PDLIM5: variants seen among roughly 807,000 people sequenced by gnomAD.
PDLIM5 encodes the protein PDZ and LIM domain 5, also known as PDZ and LIM domain protein 5.
PDLIM5 carries 34 observed loss-of-function variants against 64.2 expected under a neutral mutation model. That is an observed-to-expected ratio of 0.53 (90% CI 0.40 to 0.71). PDLIM5 has a LOEUF of 0.71. PDLIM5 is among the 30% of genes least tolerant of loss of function. PDLIM5 has a pLI of 0.00. For synonymous variants in PDLIM5, 253 were observed against 269.1 expected, an observed-to-expected ratio of 0.94 and a Z score of 0.59; for missense variants, 683 against 733.6, an observed-to-expected ratio of 0.93 and a Z score of 0.80.
At chr4:94,639,233 G>A (rs1456684117) in intron 8 of PDLIM5, among the ~76,000 whole-genome samples, 2 of 152,160 alleles carry the variant, frequency 1.3e-5, no homozygotes, top group African/African-American at 2.4e-5. Context: ...GAAAGGCAAA[G>A]AGCAGTGTAA....
chr4:94,657,797 C>T (rs992684146), intron 11 of PDLIM5, among the ~76,000 whole-genome samples: 9 of 152,072 alleles, frequency 5.9e-5, no homozygotes, highest in Admixed American at 4.6e-4. Context: ...GCCTCTGCCT[C>T]CCAGGTTCAG....
At chr4:94,624,748 A>G (rs1231910104) in intron 8 of PDLIM5, among the ~76,000 whole-genome samples, 2 of 152,204 alleles carry the variant, frequency 1.3e-5, no homozygotes, top group South Asian at 2.1e-4. Flanking sequence ...GGCTTCGGGT[A>G]GGAAAGACAA....
intron 7 of PDLIM5, among the ~76,000 whole-genome samples, chr4:94,596,264 G>C (rs1196501143): frequency 6.6e-6 from 1 of 152,074 alleles, no homozygotes; most frequent in Admixed American, 6.6e-5. Flanking sequence ...TGTACTATTA[G>C]CACTTATAAA....
At position 94,478,890 on chromosome 4, in the gene PDLIM5, G is replaced by GTTTT. The variant is rs67013211; in HGVS notation, c.96+23530_96+23533dup. ...CCAAAAGAAGGTAGGTGTGCTTGGT[G>GTTTT]TTTTTTTTTTTTTTTTTTTTTTTTT... On this transcript the variant is annotated intron_variant, in intron 2 of 12. Coordinates refer to ENST00000317968, the MANE Select transcript of PDLIM5 (RefSeq NM_006457.5). Among the ~76,000 whole-genome samples, 759 of 94,040 alleles carry GTTTT rather than the reference G, an allele frequency of 8.1e-3. 100 individuals are homozygous for GTTTT. The highest frequency in any genetic ancestry group is 0.026 in the African/African-American group (571 of 22,324). The allele number at this position is 94,040 out of a possible 152,430, so 61.7% of individuals were successfully genotyped here.
chr4:94,656,275 G>T (rs1192882444), intron 10 of PDLIM5, among the ~76,000 whole-genome samples: 1 of 151,976 alleles, frequency 6.6e-6, no homozygotes, highest in Non-Finnish European at 1.5e-5. Context: ...TATAGAAAGA[G>T]TATTCACTAC....
Position 94,655,232 on chromosome 4 carries a change from G to A in PDLIM5, c.1464+592G>A, listed in dbSNP as rs563206937. Among the ~76,000 whole-genome samples the A allele has an allele frequency of 3.9e-5, 6 of 152,084 alleles. No individual in the cohort carries two copies. In the South Asian group the frequency reaches 1.2e-3, roughly 32 times the overall value. On this transcript the variant is annotated intron_variant, in intron 10 of 12. Coordinates refer to ENST00000317968, the MANE Select transcript of PDLIM5 (RefSeq NM_006457.5). ...TTTTGCAAAAAAAGGAGTAATTTAG[G>A]AATCAGATACAGTACATAATAAATA...
intron 2 of PDLIM5, among the ~76,000 whole-genome samples, chr4:94,490,024 T>C (rs1485338841): frequency 6.6e-6 from 1 of 152,050 alleles, no homozygotes; most frequent in African/African-American, 2.4e-5. Context: ...GATATTGTAA[T>C]TATTTTTTAT....
chr4:94,503,144 C>T (rs943731916), intron 2 of PDLIM5, among the ~76,000 whole-genome samples: 1 of 152,034 alleles, frequency 6.6e-6, no homozygotes, highest in Non-Finnish European at 1.5e-5. Context: ...AATTATTTCC[C>T]ATGTCCCCCT....
At chr4:94,482,460 G>A (rs969218131) in intron 2 of PDLIM5, among the ~76,000 whole-genome samples, 3 of 151,836 alleles carry the variant, frequency 2.0e-5, no homozygotes, top group South Asian at 2.1e-4. Flanking sequence ...CATCATTTTC[G>A]CTTTTTTATT....
intron 2 of PDLIM5, among the ~76,000 whole-genome samples, chr4:94,485,242 G>C (rs894480053): frequency 6.6e-6 from 1 of 152,192 alleles, no homozygotes; most frequent in African/African-American, 2.4e-5. Context: ...ACTTTTGTCT[G>C]TTTGGCTCTT....
intron 3 of PDLIM5, among the ~76,000 whole-genome samples, chr4:94,556,355 G>A (rs376099882): frequency 2.6e-5 from 4 of 152,152 alleles, no homozygotes; most frequent in East Asian, 1.9e-4. Flanking sequence ...GAATAGTGCC[G>A]CAATAAACAT....
chr4:94,580,185 A>G (rs1437588098), intron 5 of PDLIM5, among the ~76,000 whole-genome samples: 1 of 152,172 alleles, frequency 6.6e-6, no homozygotes, highest in East Asian at 1.9e-4. Flanking sequence ...CACGATTACT[A>G]GCTTTAAAAA....
At chr4:94,525,275 T>C (rs527509786) in intron 3 of PDLIM5, among the ~76,000 whole-genome samples, 260 of 151,996 alleles carry the variant, frequency 1.7e-3, no homozygotes, top group African/African-American at 6.1e-3. Flanking sequence ...AAAAATTAGA[T>C]GGGTGTGGTG....
Position 94,494,432 on chromosome 4 carries a change from G to GGTTTTTTTTTTTTTTTTTTTTTTT in PDLIM5, c.97-29292_97-29291insGTTTTTTTTTTTTTTTTTTTTTTT, listed in dbSNP as rs1553940971. Among the ~76,000 whole-genome samples the GGTTTTTTTTTTTTTTTTTTTTTTT allele has an allele frequency of 6.1e-4, 43 of 70,770 alleles. 13 individuals carry two copies. The highest frequency in any genetic ancestry group is 1.8e-3 in the South Asian group (2 of 1,088). 46.4% of individuals were successfully genotyped at this position (70,770 alleles called of 152,430 possible). A position where few individuals can be genotyped will look rare whatever the true frequency, so the allele number is the denominator to read the frequency against. ...AGCATTCACTAATTTTTTTTTTCTTGTTTTTTTTTTTTTTTTTTTTTTTTG... is the reference window on the plus strand; with the variant it reads ...AGCATTCACTAATTTTTTTTTTCTTGGTTTTTTTTTTTTTTTTTTTTTTTTTTTTTTTTTTTTTTTTTTTTTTTG... On this transcript the variant is annotated intron_variant, in intron 2 of 12. Transcript: ENST00000317968.
At chr4:94,648,392 T>C (rs1031432527) in intron 9 of PDLIM5, among the ~76,000 whole-genome samples, 4 of 152,170 alleles carry the variant, frequency 2.6e-5, no homozygotes, top group African/African-American at 9.7e-5. Flanking sequence ...GGATCTCAGC[T>C]CACTGCAGCC....
chr4:94,565,071 GA>G (rs1488121027), intron 3 of PDLIM5, among the ~76,000 whole-genome samples: 9 of 152,148 alleles, frequency 5.9e-5, no homozygotes, highest in Admixed American at 5.9e-4. Flanking sequence ...TTGTTTTAAG[GA>G]AAAGACACAG....
At chr4:94,604,274 A>G (rs1361748250) in intron 7 of PDLIM5, among the ~76,000 whole-genome samples, 2 of 152,234 alleles carry the variant, frequency 1.3e-5, no homozygotes, top group African/African-American at 2.4e-5. Context: ...CAAATATTGT[A>G]TGATTCCACT....
At position 94,659,480 on chromosome 4, in the gene PDLIM5, GTATATA is replaced by G. The variant is rs548646679; in HGVS notation, c.1585+1935_1585+1940del. Among the ~76,000 whole-genome samples, 1,289 of 133,454 alleles carry G rather than the reference GTATATA, an allele frequency of 9.7e-3. 16 individuals are homozygous for G. The highest frequency in any genetic ancestry group is 0.028 in the African/African-American group (953 of 34,286). 87.6% of individuals were successfully genotyped at this position (133,454 alleles called of 152,430 possible). On this transcript the variant is annotated intron_variant, in intron 11 of 12. Coordinates refer to ENST00000317968, the MANE Select transcript of PDLIM5 (RefSeq NM_006457.5). ...AAACAGCAGGCATAGAGCAGCTGTA[GTATATA>G]TGTGTGTATGTGTGTGTGTGTGTGT...
chr4:94,561,957 T>TG (rs1260505425), intron 3 of PDLIM5, among the ~76,000 whole-genome samples: 1 of 152,242 alleles, frequency 6.6e-6, no homozygotes, highest in Non-Finnish European at 1.5e-5. Flanking sequence ...GAAGCAAATT[T>TG]GGTGGCAGTG....
Sources: gnomAD v4.1 joint callset for allele counts (sites outside exome capture counted in the v4.1 genomes callset) on GRCh38, gnomAD v4.1.1 for gene constraint, MANE v1.5 for transcripts, NCBI Gene and HGNC (gene_info 2026-07-23, HGNC 2026-07-21) for gene names.